REV1: variants seen among roughly 807,000 people sequenced by gnomAD.
The protein encoded by REV1 is REV1 DNA directed polymerase.
Under a neutral mutation model 137.4 loss-of-function variants are expected in REV1, and 42 were observed. The ratio of observed to expected loss-of-function variants is 0.31; its 90% confidence interval spans 0.24 to 0.40. REV1 has a LOEUF of 0.40. Among genes scored for constraint, REV1 ranks in the 10% least tolerant of loss-of-function variants. REV1 has a pLI of 1.00. For synonymous variants in REV1, 524 were observed against 519.2 expected (o/e 1.01, Z -0.12); for missense variants, 1,282 against 1,490.1 (o/e 0.86, Z 2.30).
Position 99,439,020 on chromosome 2 carries a change from T to C in REV1, c.794A>G (p.Glu265Gly). ...GTCTCTGAAATCAGTGCTGCTCTTCTCAGCCTTATCCTCCTCCTGGGAAAA... is the reference window on the plus strand; with the variant it reads ...GTCTCTGAAATCAGTGCTGCTCTTCCCAGCCTTATCCTCCTCCTGGGAAAA... ...PAFSQEEDKA[E>G]KSSTDFRDCT... is the part of the protein sequence containing the mutation. Residue 265 changes from glutamate (E) to glycine (G), a missense_variant, in exon 6 of 23, where the codon GAG (glutamate) becomes GGG (glycine). Around this residue, in one of 7 missense-constraint regions of REV1, gnomAD observed 432 missense variants for 438.0 expected, o/e 0.99. Coordinates refer to ENST00000258428, the MANE Select transcript of REV1 (RefSeq NM_016316.4). The C allele has an allele frequency of 6.2e-7, 1 of 1,614,224 alleles. No homozygotes were observed. The highest frequency in any genetic ancestry group is 8.5e-7 in the Non-Finnish European group (1 of 1,180,032).
At chr2:99,444,647 C>T (rs774222253) in intron 4 of REV1, among the ~76,000 whole-genome samples, 1 of 152,224 alleles carries the variant, frequency 6.6e-6, no homozygotes, top group African/African-American at 2.4e-5. Flanking sequence ...AAGCCCAATG[C>T]ACTACAGTAA....
intron 19 of REV1, 75 bp from the exon 20 acceptor site, chr2:99,403,181 T>C (rs1574962851): frequency 2.4e-6 from 3 of 1,227,972 alleles, no homozygotes; most frequent in East Asian, 2.5e-5. Flanking sequence ...TGGGTTCTCT[T>C]TTCTCCTCCC....
rs1389676409 is a variant in REV1, at chr2:99,400,912, GT to G, written c.*328del. On this transcript the variant is annotated 3_prime_UTR_variant, in exon 23 of 23. Coordinates refer to ENST00000258428, the MANE Select transcript of REV1 (RefSeq NM_016316.4). ...AACAGTAGTTGCTTCCTAGAGTTGA[GT>G]TTTTAAGGATTCACAAAAAGGAGCC... 6.1e-6 allele frequency: 1 copy of G among 164,298 alleles called. No individual in the cohort carries two copies. Among genetic ancestry groups the G allele is most frequent in the Non-Finnish European group, 1.3e-5 (1 of 75,704 alleles). The allele number at this position is 164,298 out of a possible 1,614,324, so 10.2% of individuals were successfully genotyped here.
In REV1 at chr2:99,445,003, TTC is replaced by T. The variant is rs1460223676; in HGVS notation, c.351-2536_351-2535del. 1.7e-4 allele frequency among the ~76,000 whole-genome samples: 26 copies of T among 152,334 alleles called. No homozygotes were observed. In the East Asian group the frequency reaches 4.6e-3, roughly 27 times the overall value. On this transcript the variant is annotated intron_variant, in intron 4 of 22. Coordinates refer to ENST00000258428, the MANE Select transcript of REV1 (RefSeq NM_016316.4). ...TTTTTTCATGTACATTGAAACTATATTCTGATATATACATGAAAGAGTTTACA... is the reference window on the plus strand; with the variant it reads ...TTTTTTCATGTACATTGAAACTATATTGATATATACATGAAAGAGTTTACA...
chr2:99,433,038 A>G (rs1680314278), intron 8 of REV1, among the ~76,000 whole-genome samples: 1 of 152,216 alleles, frequency 6.6e-6, no homozygotes, highest in Non-Finnish European at 1.5e-5. Context: ...AAGTATATAC[A>G]TGGTGGTTTT....
chr2:99,439,379 T>A, intron 5 of REV1, 69 bp from the exon 6 acceptor site: 1 of 1,131,608 alleles, frequency 8.8e-7, no homozygotes. Context: ...TTTCATTTCA[T>A]CATTTTCTTA....
chr2:99,459,231 T>C (rs1683897944), intron 3 of REV1, among the ~76,000 whole-genome samples: 2 of 151,118 alleles, frequency 1.3e-5, no homozygotes, highest in Admixed American at 6.6e-5. Context: ...GAAAGATCTT[T>C]GTAGTGTGGA....
intron 1 of REV1, among the ~76,000 whole-genome samples, chr2:99,465,390 CTG>C (rs772101562): frequency 6.6e-5 from 10 of 152,226 alleles, no homozygotes; most frequent in Non-Finnish European, 8.8e-5. Context: ...CTTTTAAACT[CTG>C]TCTTTGCTAT....
At position 99,411,407 on chromosome 2, in the gene REV1, TTTCC is replaced by T. The variant is rs1455052895; in HGVS notation, c.2173-544_2173-541del. On this transcript the variant is annotated intron_variant, in intron 13 of 22. Transcript: ENST00000258428. Reference sequence around the variant, plus strand: ...ACTTTTAAAAGATATTTTTCCTTTCTTTCCTTTTTTTTTTTTTTGAGACAGTCTC... The same window carrying T: ...ACTTTTAAAAGATATTTTTCCTTTCTTTTTTTTTTTTTTTGAGACAGTCTC... 2.3e-3 allele frequency among the ~76,000 whole-genome samples: 329 copies of T among 144,906 alleles called. 1 individual carries two copies. Among genetic ancestry groups the T allele is most frequent in the African/African-American group, 8.6e-3 (320 of 37,088 alleles).
At chr2:99,419,009 G>T in intron 11 of REV1, 62 bp from the exon 12 acceptor site, 1 of 1,338,702 alleles carries the variant, frequency 7.5e-7, no homozygotes, top group East Asian at 2.3e-5. Flanking sequence ...TCTCAACAAA[G>T]ATCTCTTCAT....
rs889505116 is a variant in REV1 at position 99,401,156 on chromosome 2, C to T, written c.*85G>A. ...AAGAAATTTAAAATTATAAAAACTC[C>T]GAGCATTACTATCATGCACTTTGCA... On this transcript the variant is annotated 3_prime_UTR_variant, in exon 23 of 23. Transcript: ENST00000258428. 10 of 719,738 alleles carry T rather than the reference C, an allele frequency of 1.4e-5. No individual in the cohort carries two copies. The highest frequency in any genetic ancestry group is 8.0e-5 in the East Asian group (3 of 37,562). The allele number at this position is 719,738 out of a possible 1,614,324, so 44.6% of individuals were successfully genotyped here.
intron 3 of REV1, among the ~76,000 whole-genome samples, chr2:99,457,796 C>A (rs1474956009): frequency 2.0e-5 from 3 of 151,884 alleles, no homozygotes; most frequent in African/African-American, 7.3e-5. Context: ...CAAGGCTTAC[C>A]ACATAGGTAC....
intron 21 of REV1, 141 bp downstream of exon 21, chr2:99,402,503 T>G: frequency 1.1e-6 from 1 of 924,114 alleles, no homozygotes; most frequent in Non-Finnish European, 1.7e-6. Flanking sequence ...TCCCAGAATT[T>G]AAAAGATTTG....
intron 9 of REV1, among the ~76,000 whole-genome samples, chr2:99,427,316 G>A (rs1412624847): frequency 6.6e-6 from 1 of 152,178 alleles, no homozygotes; most frequent in South Asian, 2.1e-4. Flanking sequence ...TGACTTTAAA[G>A]ATCTGTGATT....
intron 9 of REV1, among the ~76,000 whole-genome samples, chr2:99,429,322 A>T (rs546939879): frequency 6.6e-6 from 1 of 152,326 alleles, no homozygotes; most frequent in East Asian, 1.9e-4. Context: ...AGACCTATAC[A>T]AAAAGTTGGT....
At chr2:99,482,255 C>T (rs907982930) in intron 1 of REV1, among the ~76,000 whole-genome samples, 1 of 152,242 alleles carries the variant, frequency 6.6e-6, no homozygotes, top group African/African-American at 2.4e-5. Flanking sequence ...AAGGATGACA[C>T]GTCCTGAGGA....
intron 1 of REV1, among the ~76,000 whole-genome samples, chr2:99,489,059 C>A (rs1052754533): frequency 6.6e-6 from 1 of 152,162 alleles, no homozygotes; most frequent in African/African-American, 2.4e-5. Flanking sequence ...TCTTTACAAA[C>A]TGAGAATAGG....
intron 10 of REV1, 92 bp downstream of exon 10, chr2:99,424,060 T>G: frequency 7.6e-7 from 1 of 1,323,680 alleles, no homozygotes; most frequent in Non-Finnish European, 1.0e-6. Flanking sequence ...ACAAAAGTGA[T>G]CCTGACAATC....
At chr2:99,411,071 T>C (rs1421038153) in intron 13 of REV1, among the ~76,000 whole-genome samples, 2 of 152,130 alleles carry the variant, frequency 1.3e-5, no homozygotes, top group Non-Finnish European at 2.9e-5. Context: ...TGGATTCGTC[T>C]GAGGTCAGGA....
Sources: gnomAD v4.1 joint callset for allele counts (sites outside exome capture counted in the v4.1 genomes callset) on GRCh38, gnomAD v4.1.1 for gene constraint, gnomAD v4.1.1 regional missense constraint, MANE v1.5 for transcripts, NCBI Gene and HGNC (gene_info 2026-07-23, HGNC 2026-07-21) for gene names.